The following TES variants were observed in gnomAD, a reference collection of about 807,000 sequenced individuals.
TES encodes the protein testin.
Under a neutral mutation model 48.2 loss-of-function variants are expected in TES, and 41 were observed. The observed-to-expected ratio is 0.85, with a 90% CI of 0.66 to 1.10. The LOEUF is 1.10. Among genes scored for constraint, TES ranks in the 50% least tolerant of loss-of-function variants. The pLI, the probability that TES is intolerant of heterozygous loss-of-function variation, is 0.00. For synonymous variants in TES, 162 were observed against 174.9 expected (o/e 0.93, Z 0.58); for missense variants, 463 against 515.1 (o/e 0.90, Z 0.98).
At chr7:116,221,350 A>T (rs935948808) in intron 1 of TES, among the ~76,000 whole-genome samples, 1 of 152,192 alleles carries the variant, frequency 6.6e-6, no homozygotes, top group African/African-American at 2.4e-5. Flanking sequence ...GTGGTCCCGT[A>T]TAGGGAATTG....
At chr7:116,226,047 T>G (rs1799616857) in intron 1 of TES, among the ~76,000 whole-genome samples, 1 of 152,184 alleles carries the variant, frequency 6.6e-6, no homozygotes, top group Non-Finnish European at 1.5e-5. Flanking sequence ...GTGTAAGTGC[T>G]CAATAAAAAT....
Position 116,237,449 on chromosome 7 carries a change from G to A in TES, c.113+2830G>A, listed in dbSNP as rs947561797. The stretch of plus-strand genomic sequence containing the variant: ...CCTTTGACATTAAACCCTAACATCT[G>A]GCCTCTGCTTGCTTTTCCAGCCTCT... On this transcript the variant is annotated intron_variant, in intron 2 of 6. Coordinates refer to ENST00000358204, the MANE Select transcript of TES (RefSeq NM_015641.4). Among the ~76,000 whole-genome samples, 48 of 151,966 alleles carry A rather than the reference G, an allele frequency of 3.2e-4. 1 individual carries two copies.
At chr7:116,249,321 T>G in intron 3 of TES, 49 bp downstream of exon 3, 1 of 1,608,768 alleles carries the variant, frequency 6.2e-7, no homozygotes, top group South Asian at 1.1e-5. Flanking sequence ...CCTGGAGTAT[T>G]TATTTGGGGC....
At chr7:116,234,678 A>C in intron 2 of TES, 59 bp downstream of exon 2, 1 of 1,371,156 alleles carries the variant, frequency 7.3e-7, no homozygotes, top group African/African-American at 1.4e-5. Flanking sequence ...ATACTTCCTC[A>C]GACAGTGGAG....
intron 2 of TES, among the ~76,000 whole-genome samples, chr7:116,241,812 A>G (rs185110593): frequency 1.0e-3 from 154 of 152,288 alleles, no homozygotes; most frequent in Middle Eastern, 6.8e-3. Flanking sequence ...GCTTCCTGAG[A>G]TTGTGAATTC....
chr7:116,249,574 A>G, intron 3 of TES: 1 of 276,882 alleles, frequency 3.6e-6, no homozygotes, highest in Non-Finnish European at 6.8e-6. Flanking sequence ...TAGTCTTGAG[A>G]GGATTTATCT....
intron 1 of TES, among the ~76,000 whole-genome samples, chr7:116,224,331 A>G (rs80205560): frequency 0.019 from 2,966 of 152,316 alleles, 45 homozygotes; most frequent in Non-Finnish European, 0.029. Context: ...CAGCGAATAC[A>G]GAGGTGTTCC....
chr7:116,226,102 T>A (rs1799617613), intron 1 of TES, among the ~76,000 whole-genome samples: 1 of 152,190 alleles, frequency 6.6e-6, no homozygotes, highest in Admixed American at 6.5e-5. Flanking sequence ...TGTCTTTTTG[T>A]GTGTGTGTAA....
At chr7:116,234,644 C>T (rs1450282362) in intron 2 of TES, 25 bp downstream of exon 2, 1 of 1,580,406 alleles carries the variant, frequency 6.3e-7, no homozygotes, top group African/African-American at 1.3e-5. Flanking sequence ...ACTGCAACCA[C>T]ATTAGTAATT....
chr7:116,217,486 C>A (rs757024713), intron 1 of TES, among the ~76,000 whole-genome samples: 3 of 151,846 alleles, frequency 2.0e-5, no homozygotes, highest in Non-Finnish European at 4.4e-5. Flanking sequence ...CCATGGTAAC[C>A]AAAATTATGA....
At chr7:116,250,538 T>C (rs1799991949) in intron 4 of TES, 42 bp downstream of exon 4, 6 of 1,390,626 alleles carry the variant, frequency 4.3e-6, no homozygotes, top group Non-Finnish European at 4.7e-6. Flanking sequence ...TTGTATACTT[T>C]ACAGAATTTT....
chr7:116,250,737 T>C (rs1245725640), intron 4 of TES, among the ~76,000 whole-genome samples: 1 of 152,230 alleles, frequency 6.6e-6, no homozygotes, highest in Non-Finnish European at 1.5e-5. Context: ...GTGAGTTTTA[T>C]GTACAGACAG....
At chr7:116,255,680 T>G (rs1199037560) in intron 6 of TES, among the ~76,000 whole-genome samples, 1 of 152,176 alleles carries the variant, frequency 6.6e-6, no homozygotes, top group Admixed American at 6.5e-5. Flanking sequence ...TAGATCATGG[T>G]CTGAAAGCAA....
intron 3 of TES, 60 bp from the exon 4 acceptor site, chr7:116,250,101 A>G: frequency 1.4e-6 from 2 of 1,407,636 alleles, no homozygotes; most frequent in East Asian, 2.5e-5. Flanking sequence ...GATGTGTGTT[A>G]TGAAACATCA....
chr7:116,241,819 ATTC>A (rs2116610918), intron 2 of TES, among the ~76,000 whole-genome samples: 1 of 152,270 alleles, frequency 6.6e-6, no homozygotes, highest in East Asian at 1.9e-4. Flanking sequence ...GAGATTGTGA[ATTC>A]TTCTAATTGT....
chr7:116,222,921 T>C, intron 1 of TES: 1 of 956,456 alleles, frequency 1.0e-6, no homozygotes, highest in Non-Finnish European at 1.2e-6. Flanking sequence ...TCATTGCTTA[T>C]TATAATAATT....
intron 2 of TES, among the ~76,000 whole-genome samples, chr7:116,247,182 G>A (rs1354590949): frequency 6.6e-6 from 1 of 151,804 alleles, no homozygotes; most frequent in Admixed American, 6.6e-5. Flanking sequence ...GAAAAACAAA[G>A]GGAAGGAAAT....
chr7:116,241,431 G>A (rs1260840899), intron 2 of TES, among the ~76,000 whole-genome samples: 4 of 152,074 alleles, frequency 2.6e-5, no homozygotes, highest in Non-Finnish European at 5.9e-5. Context: ...TCTCCTTGTA[G>A]AAATGGAGCT....
intron 1 of TES, among the ~76,000 whole-genome samples, chr7:116,226,076 T>C (rs540925390): frequency 3.2e-4 from 48 of 152,342 alleles, no homozygotes; most frequent in South Asian, 6.2e-4. Flanking sequence ...GCTTTTATTA[T>C]CACCACCCCT....
Sources: allele counts gnomAD v4.1 joint callset (sites outside exome capture counted in the v4.1 genomes callset), GRCh38; gene constraint gnomAD v4.1.1; transcripts MANE v1.5; gene names NCBI Gene and HGNC (gene_info 2026-07-23, HGNC 2026-07-21).